Variants in ZBTB8A observed in about 807,000 individuals in gnomAD.
The protein encoded by ZBTB8A is zinc finger and BTB domain containing 8A.
A neutral mutation model predicts 37.8 loss-of-function variants in ZBTB8A; 19 were observed. That is an observed-to-expected ratio of 0.50 (90% confidence interval 0.35 to 0.74). The LOEUF is 0.74. Ranked by LOEUF, ZBTB8A falls within the 30% of genes least tolerant of loss-of-function variation. The probability of loss-of-function intolerance (pLI) is 0.01; values close to 1 mark genes in which losing one functional copy is unlikely to be tolerated. For synonymous variants in ZBTB8A, 181 were observed against 185.2 expected (o/e 0.98, Z 0.19); for missense variants, 394 against 537.8 (o/e 0.73, Z 2.65).
intron 2 of ZBTB8A, among the ~76,000 whole-genome samples, chr1:32,576,406 T>C (rs1017907762): frequency 1.3e-5 from 2 of 152,226 alleles, no homozygotes; most frequent in Admixed American, 6.5e-5. Context: ...TATTTGATAT[T>C]GTTCCACATT....
chr1:32,583,008 AT>A (rs1356273110), intron 2 of ZBTB8A, among the ~76,000 whole-genome samples: 1 of 152,188 alleles, frequency 6.6e-6, no homozygotes, highest in Non-Finnish European at 1.5e-5. Context: ...GAACTAATTC[AT>A]TATAGGGTCT....
At chr1:32,571,497 A>T (rs1644322233) in intron 2 of ZBTB8A, among the ~76,000 whole-genome samples, 1 of 151,970 alleles carries the variant, frequency 6.6e-6, no homozygotes, top group African/African-American at 2.4e-5. Flanking sequence ...GTACTGATTA[A>T]TTTTCAACTG....
Sources: allele counts gnomAD v4.1 joint callset (sites outside exome capture counted in the v4.1 genomes callset), GRCh38; gene constraint gnomAD v4.1.1; transcripts MANE v1.5; gene names NCBI Gene and HGNC (gene_info 2026-07-23, HGNC 2026-07-21).